ZNF90: variants seen among roughly 807,000 people sequenced by gnomAD.
ZNF90 encodes the protein zinc finger protein 90.
Under a neutral mutation model 12.0 loss-of-function variants are expected in ZNF90, and 11 were observed. The ratio of observed to expected loss-of-function variants is 0.92; its 90% confidence interval spans 0.58 to 1.52. The LOEUF is 1.52. Among genes scored for constraint, ZNF90 ranks in the 40% most tolerant of loss-of-function variants. The pLI is 0.00. For synonymous variants in ZNF90, 232 were observed against 240.1 expected, an observed-to-expected ratio of 0.97 and a Z score of 0.31; for missense variants, 765 against 711.5, an observed-to-expected ratio of 1.08 and a Z score of -0.86.
At chr19:20,088,430 G>C (rs1385253281) in intron 1 of ZNF90, among the ~76,000 whole-genome samples, 1 of 152,104 alleles carries the variant, frequency 6.6e-6, no homozygotes, top group Non-Finnish European at 1.5e-5. Context: ...GAAGATACAA[G>C]GTTCAAATAA....
At chr19:20,113,682 G>T (rs1244321780) in intron 3 of ZNF90, among the ~76,000 whole-genome samples, 1 of 151,948 alleles carries the variant, frequency 6.6e-6, no homozygotes, top group Non-Finnish European at 1.5e-5. Flanking sequence ...CAAAAAATTC[G>T]CCGGGCGTGT....
intron 1 of ZNF90, 129 bp from the exon 2 acceptor site, chr19:20,104,110 G>A: frequency 5.2e-6 from 7 of 1,350,612 alleles, no homozygotes; most frequent in Non-Finnish European, 7.0e-6. Flanking sequence ...TTGTTTTATT[G>A]GATAATTTAG....
At chr19:20,107,945 A>G (rs570476314) in intron 3 of ZNF90, among the ~76,000 whole-genome samples, 1 of 152,296 alleles carries the variant, frequency 6.6e-6, no homozygotes, top group South Asian at 2.1e-4. Flanking sequence ...TTTTCAGCCT[A>G]TATCTAAATA....
At chr19:20,115,331 G>C (rs61448044) in intron 3 of ZNF90, among the ~76,000 whole-genome samples, 12,155 of 150,778 alleles carry the variant, frequency 0.081, 1,626 homozygotes, top group African/African-American at 0.28. Flanking sequence ...ATTTTAAATA[G>C]TTTTCTGAAA....
chr19:20,118,888 T>C lies in ZNF90; in HGVS notation c.1334T>C (p.Ile445Thr). 2 of 1,609,434 alleles carry C rather than the reference T, an allele frequency of 1.2e-6. No individual in the cohort carries two copies. The highest frequency in any genetic ancestry group is 1.7e-6 in the Non-Finnish European group (2 of 1,178,380). The change falls in exon 4 of 4, where the codon ATA becomes ACA. Residue 445 changes from isoleucine to threonine, a missense_variant. Transcript: ENST00000418063. ...TCCTCAGCCCTTAGCACACATAAGATAATTCATAGTGGAGAGAAACCCTAC... is the reference window on the plus strand; with the variant it reads ...TCCTCAGCCCTTAGCACACATAAGACAATTCATAGTGGAGAGAAACCCTAC... The part of the protein sequence containing the change: ...KRSSALSTHK[I>T]IHSGEKPYKC...
intron 1 of ZNF90, among the ~76,000 whole-genome samples, chr19:20,091,254 G>A (rs1555702682): frequency 1.3e-5 from 2 of 152,060 alleles, no homozygotes; most frequent in Admixed American, 6.6e-5. Flanking sequence ...AAGGGAGGGG[G>A]CCTGAACAAT....
At chr19:20,083,555 G>T (rs548602082) in intron 1 of ZNF90, among the ~76,000 whole-genome samples, 4 of 152,008 alleles carry the variant, frequency 2.6e-5, no homozygotes, top group African/African-American at 9.7e-5. Context: ...TTAAGCTCCC[G>T]ACCTCAGGTG....
intron 1 of ZNF90, 74 bp from the exon 2 acceptor site, chr19:20,104,165 A>G (rs1415191324): frequency 1.3e-6 from 2 of 1,597,856 alleles, no homozygotes; most frequent in African/African-American, 2.7e-5. Context: ...CTCCAATTTC[A>G]CCTTAACTCA....
chr19:20,097,167 C>A (rs937383769), intron 1 of ZNF90, among the ~76,000 whole-genome samples: 1 of 152,192 alleles, frequency 6.6e-6, no homozygotes, highest in Non-Finnish European at 1.5e-5. Flanking sequence ...TGTAATAAAA[C>A]AGTTTTCTTT....
At chr19:20,085,664 A>G (rs964118448) in intron 1 of ZNF90, among the ~76,000 whole-genome samples, 1 of 152,198 alleles carries the variant, frequency 6.6e-6, no homozygotes, top group Non-Finnish European at 1.5e-5. Context: ...TACAAATTTC[A>G]GATGTCCAAG....
chr19:20,079,974 T>G (rs2088807890), intron 1 of ZNF90: 1 of 347,092 alleles, frequency 2.9e-6, no homozygotes, highest in Non-Finnish European at 5.5e-6. Flanking sequence ...TCTCTCTTAT[T>G]GCCCAGGCTG....
intron 3 of ZNF90, among the ~76,000 whole-genome samples, chr19:20,114,819 T>A (rs2089122648): frequency 6.6e-6 from 1 of 151,178 alleles, no homozygotes; most frequent in African/African-American, 2.5e-5. Context: ...TAGTCCCCTG[T>A]TCCCTTACTA....
At chr19:20,081,751 T>A (rs2088821109) in intron 1 of ZNF90, among the ~76,000 whole-genome samples, 1 of 149,956 alleles carries the variant, frequency 6.7e-6, no homozygotes, top group Admixed American at 6.6e-5. Flanking sequence ...ATTTGTTTTT[T>A]TTCTTTCTTT....
chr19:20,118,987 A>G lies in ZNF90; in HGVS notation c.1433A>G (p.Glu478Gly). 1 of 1,608,750 alleles carries G rather than the reference A, an allele frequency of 6.2e-7. No homozygotes were observed. Among genetic ancestry groups the G allele is most frequent in the Non-Finnish European group, 8.5e-7 (1 of 1,177,216 alleles). The change falls in exon 4 of 4, where the codon GAG becomes GGG. Residue 478 changes from glutamate (E) to glycine (G), a missense_variant. Physicochemically the swap from Glu to Gly is moderately conservative, Grantham distance 98. Coordinates refer to ENST00000418063, the MANE Select transcript of ZNF90 (RefSeq NM_007138.2). ...LTTHKISHTE[E>G]KLYKCQECDK... is the part of the protein sequence containing the mutation. ...ACACATAAGATAAGTCATACTGAAGAGAAACTCTACAAATGTCAAGAATGT... is the reference window on the plus strand; with the variant it reads ...ACACATAAGATAAGTCATACTGAAGGGAAACTCTACAAATGTCAAGAATGT...
intron 1 of ZNF90, among the ~76,000 whole-genome samples, chr19:20,102,992 T>G (rs1050828474): frequency 6.6e-6 from 1 of 152,280 alleles, no homozygotes; most frequent in Non-Finnish European, 1.5e-5. Flanking sequence ...TTTACTTACT[T>G]TTTTTGGGAG....
intron 2 of ZNF90, among the ~76,000 whole-genome samples, chr19:20,104,860 G>GGC (rs2089019695): frequency 6.6e-6 from 1 of 152,138 alleles, no homozygotes. Context: ...TTGGCATGGT[G>GGC]GCACATGCCT....
Position 20,119,390 on chromosome 19 carries a change from A to G in ZNF90, c.*30A>G, listed in dbSNP as rs1555706330. On this transcript the variant is annotated 3_prime_UTR_variant, in exon 4 of 4. Transcript: ENST00000418063. ...TTCCTCAACCCTTAATAAACATAAG[A>G]TAATTCATACTGGAGAGAAACCGTA... 2.6e-6 allele frequency: 4 copies of G among 1,533,040 alleles called. No homozygotes were observed. The South Asian group carries it at 3.7e-5, about 14-fold the overall frequency. 95.0% of individuals were successfully genotyped at this position (1,533,040 alleles called of 1,614,324 possible). A position where few individuals can be genotyped will look rare whatever the true frequency, so the allele number is the denominator to read the frequency against.
At chr19:20,114,637 A>T (rs1747700544) in intron 3 of ZNF90, among the ~76,000 whole-genome samples, 1 of 152,144 alleles carries the variant, frequency 6.6e-6, no homozygotes, top group Non-Finnish European at 1.5e-5. Flanking sequence ...TTTTTGTCAT[A>T]GAAAGTAATC....
intron 1 of ZNF90, among the ~76,000 whole-genome samples, chr19:20,078,593 A>C (rs2088795917): frequency 6.6e-6 from 1 of 151,460 alleles, no homozygotes; most frequent in African/African-American, 2.4e-5. Context: ...GGATCACTTG[A>C]GGTAAAGGGT....
Sources: allele counts gnomAD v4.1 joint callset (sites outside exome capture counted in the v4.1 genomes callset), GRCh38; gene constraint gnomAD v4.1.1; transcripts MANE v1.5; gene names NCBI Gene and HGNC (gene_info 2026-07-23, HGNC 2026-07-21).